Variants in XCL2 observed in about 807,000 individuals in gnomAD.
XCL2 encodes cytokine SCM-1 beta.
Under a neutral mutation model 7.2 loss-of-function variants are expected in XCL2, and 8 were observed. The ratio of observed to expected loss-of-function variants is 1.10; its 90% confidence interval spans 0.65 to 1.99. XCL2 has a LOEUF of 1.99. XCL2 is among the 30% of genes most tolerant of loss of function. XCL2 has a pLI of 0.00. For synonymous variants in XCL2, 46 were observed against 54.2 expected (o/e 0.85, Z 0.67); for missense variants, 131 against 138.6 (o/e 0.94, Z 0.28).
At chr1:168,543,757 A>C (rs1373864369) in intron 1 of XCL2, 147 bp downstream of exon 1, 2 of 1,014,360 alleles carry the variant, frequency 2.0e-6, no homozygotes, top group Non-Finnish European at 2.9e-6. Context: ...TACAGTCAAA[A>C]TCATCATTCC....
Position 168,542,117 on chromosome 1 carries a change from A to T in XCL2, c.62-10T>A. The T allele has an allele frequency of 6.9e-7, 1 of 1,452,816 alleles. No homozygotes were observed. The highest frequency in any genetic ancestry group is 9.2e-7 in the Non-Finnish European group (1 of 1,082,698). The allele number at this position is 1,452,816 out of a possible 1,614,324, so 90.0% of individuals were successfully genotyped here. A position where few individuals can be genotyped will look rare whatever the true frequency, so the allele number is the denominator to read the frequency against. On this transcript the variant is annotated splice_polypyrimidine_tract_variant and intron_variant, in intron 1 of 2. Coordinates refer to ENST00000367819, the MANE Select transcript of XCL2 (RefSeq NM_003175.4). ...ACTTCACTCCCTACACCTGATGAGG[A>T]AAAAAAAACAACAGACAATTAAAAA...
rs753821743 is a variant in XCL2, at chr1:168,541,021, A to T, written c.276T>A (p.Asn92Lys). 2.5e-6 allele frequency: 4 copies of T among 1,613,582 alleles called. No individual in the cohort carries two copies. In the South Asian group the frequency reaches 3.3e-5, roughly 13 times the overall value. ...CTGTTGGCTTGGTCTGGATCATGTT[A>T]TTTCTGGTGTTGGATTTCCTGTCCA... ...RSMDRKSNTR[N>K]NMIQTKPTGT... The change falls in exon 3 of 3, where the codon AAT (asparagine) becomes AAA (lysine). Residue 92 changes from asparagine (N) to lysine (K), a missense_variant. Transcript: ENST00000367819.
rs528479192 is a variant in XCL2, at chr1:168,543,524, C to G, written c.61+380G>C. ...CCTCTAATCCATAGCTAACATTAAT[C>G]AAAAAATTACTGCTTGTAAGGAAAT... On this transcript the variant is annotated intron_variant, in intron 1 of 2. Transcript: ENST00000367819. Among the ~76,000 whole-genome samples the G allele has an allele frequency of 1.6e-4, 24 of 150,576 alleles. No individual in the cohort carries two copies. The South Asian group carries it at 4.1e-3, about 25-fold the overall frequency.
At chr1:168,541,495 C>A (rs1371026406) in intron 2 of XCL2, among the ~76,000 whole-genome samples, 1 of 152,066 alleles carries the variant, frequency 6.6e-6, no homozygotes, top group East Asian at 1.9e-4. Flanking sequence ...CATTTTCATT[C>A]TTTAGAGCAA....
Position 168,543,768 on chromosome 1 carries a change from T to C in XCL2, c.61+136A>G, listed in dbSNP as rs1454106756. The C allele has an allele frequency of 1.0e-5, 12 of 1,150,260 alleles. No individual in the cohort carries two copies. In the East Asian group the frequency reaches 2.8e-4, roughly 27 times the overall value. The allele number at this position is 1,150,260 out of a possible 1,614,324, so 71.3% of individuals were successfully genotyped here. A position where few individuals can be genotyped will look rare whatever the true frequency, so the allele number is the denominator to read the frequency against. On this transcript the variant is annotated intron_variant, in intron 1 of 2. Coordinates refer to ENST00000367819, the MANE Select transcript of XCL2 (RefSeq NM_003175.4). ...CCTCTACAGTCAAAATCATCATTCC[T>C]TTCTTGCACATGGGAAGTTTAAGGC...
chr1:168,543,402 T>G (rs1654334247), intron 1 of XCL2: 1 of 185,364 alleles, frequency 5.4e-6, no homozygotes, highest in African/African-American at 2.4e-5. Context: ...CATCCTCTGG[T>G]GCATCCCCAT....
chr1:168,541,246 G>A, intron 2 of XCL2, 126 bp from the exon 3 acceptor site: 10 of 1,286,262 alleles, frequency 7.8e-6, no homozygotes, highest in East Asian at 7.5e-5. Flanking sequence ...GTCTTTCAGA[G>A]CCATGAGATC....
Position 168,542,016 on chromosome 1 carries a change from C to G in XCL2, c.153G>C (p.Thr51=). The stretch of plus-strand genomic sequence containing the variant: ...ACATTACTGCTCTCAAGGAGCCTTC[C>G]GTGATGGTGTAGGTCTTGATTCTGC... ...PVSRIKTYTI[T]EGSLRAVIFI... The change falls in exon 2 of 3, where the codon ACG becomes ACC. Residue 51 remains threonine, a synonymous_variant. Transcript: ENST00000367819. 2.5e-6 allele frequency: 4 copies of G among 1,609,304 alleles called. No homozygotes were observed. Among genetic ancestry groups the G allele is most frequent in the Non-Finnish European group, 3.4e-6 (4 of 1,177,834 alleles).
rs1654346553 is a variant in XCL2, at chr1:168,543,958, G to T, written c.7C>A (p.Leu3Ile). Residue 3 changes from leucine (L) to isoleucine (I), a missense_variant, in exon 1 of 3, where the codon CTT (leucine) becomes ATT (isoleucine). Coordinates refer to ENST00000367819, the MANE Select transcript of XCL2 (RefSeq NM_003175.4). MR[L>I]LILALLGICS... ...ATGCCAAGGAGGGCCAGGATGAGAA[G>T]TCTCATGGCTGAGGTCCCGCTGAGC... 2 of 1,608,126 alleles carry T rather than the reference G, an allele frequency of 1.2e-6. No individual in the cohort carries two copies. Among genetic ancestry groups the T allele is most frequent in the East Asian group, 4.5e-5 (2 of 44,812 alleles).
intron 2 of XCL2, among the ~76,000 whole-genome samples, chr1:168,541,328 CT>C (rs1654277042): frequency 6.6e-6 from 1 of 152,126 alleles, no homozygotes; most frequent in Non-Finnish European, 1.5e-5. Flanking sequence ...TATCCAGCCC[CT>C]TTGTTCACCA....
chr1:168,542,040 G>T lies in XCL2; in HGVS notation c.129C>A (p.Ser43Arg), dbSNP rs777325495. ...CCGTGATGGTGTAGGTCTTGATTCT[G>T]CTAACTGGCAGTCGCTGGGTAGTGA... ...VSLTTQRLPV[S>R]RIKTYTITEG... Residue 43 changes from serine to arginine, a missense_variant, in exon 2 of 3, where the codon AGC becomes AGA. Ser to Arg is a moderately radical substitution (Grantham distance 110, BLOSUM62 -1). Coordinates refer to ENST00000367819, the MANE Select transcript of XCL2 (RefSeq NM_003175.4). 6.2e-7 allele frequency: 1 copy of T among 1,602,398 alleles called. No homozygotes were observed. The highest frequency in any genetic ancestry group is 8.5e-7 in the Non-Finnish European group (1 of 1,174,322).
intron 2 of XCL2, 83 bp downstream of exon 2, chr1:168,541,910 C>T: frequency 1.6e-6 from 2 of 1,272,008 alleles, no homozygotes; most frequent in Non-Finnish European, 1.1e-6. Context: ...CCTACTTTTC[C>T]TGAGGATGGC....
chr1:168,543,743 C>T (rs1050244834), intron 1 of XCL2, among the ~76,000 whole-genome samples, 161 bp downstream of exon 1: 2 of 151,662 alleles, frequency 1.3e-5, no homozygotes, highest in Non-Finnish European at 2.9e-5. Context: ...TTTACGAAGC[C>T]CTCTACAGTC....
Position 168,542,048 on chromosome 1 carries a change from G to T in XCL2, c.121C>A (p.Pro41Thr). Residue 41 changes from proline to threonine, a missense_variant, in exon 2 of 3, where the codon CCA becomes ACA. Coordinates refer to ENST00000367819, the MANE Select transcript of XCL2 (RefSeq NM_003175.4). Reference sequence around the variant, plus strand: ...GTGTAGGTCTTGATTCTGCTAACTGGCAGTCGCTGGGTAGTGAGGCTCACA... The same window carrying T: ...GTGTAGGTCTTGATTCTGCTAACTGTCAGTCGCTGGGTAGTGAGGCTCACA... ...TCVSLTTQRL[P>T]VSRIKTYTIT... 1 of 1,592,612 alleles carries T rather than the reference G, an allele frequency of 6.3e-7. No individual in the cohort carries two copies. Among genetic ancestry groups the T allele is most frequent in the East Asian group, 2.3e-5 (1 of 42,926 alleles).
At position 168,540,831 on chromosome 1, in the gene XCL2, A is replaced by T. The variant is rs1333609631; in HGVS notation, c.*121T>A. 5 of 1,203,766 alleles carry T rather than the reference A, an allele frequency of 4.2e-6. No individual in the cohort carries two copies. In the East Asian group the frequency reaches 1.3e-4, roughly 32 times the overall value. The allele number at this position is 1,203,766 out of a possible 1,614,324, so 74.6% of individuals were successfully genotyped here. On this transcript the variant is annotated 3_prime_UTR_variant, in exon 3 of 3. Transcript: ENST00000367819. ...AATACAGAAGACATTTAAAAGTAAA[A>T]ATACAAAGGAATAATTTTATTCATG...
chr1:168,541,196 G>A (rs1219084029), intron 2 of XCL2, 76 bp from the exon 3 acceptor site: 21 of 1,536,572 alleles, frequency 1.4e-5, no homozygotes, highest in Non-Finnish European at 1.8e-5. Flanking sequence ...GATCAGGGCA[G>A]ACATGAAGAG....
intron 1 of XCL2, among the ~76,000 whole-genome samples, chr1:168,543,644 G>A (rs1414069189): frequency 7.0e-6 from 1 of 142,742 alleles, no homozygotes; most frequent in Non-Finnish European, 1.5e-5. Context: ...ATAAGCACAG[G>A]CCCTGAGTGG....
At position 168,541,927 on chromosome 1, in the gene XCL2, T is replaced by C. The variant is rs1654291864; in HGVS notation, c.176+66A>G. ...TACTTTTCCTGAGGATGGCAGCATT[T>C]CTATAGAGTGTATTTCTATACCTCT... On this transcript the variant is annotated intron_variant, in intron 2 of 2. Coordinates refer to ENST00000367819, the MANE Select transcript of XCL2 (RefSeq NM_003175.4). 7.4e-6 allele frequency: 11 copies of C among 1,486,156 alleles called. No homozygotes were observed. In the Admixed American group the frequency reaches 1.1e-4, roughly 16 times the overall value. 92.1% of individuals were successfully genotyped at this position (1,486,156 alleles called of 1,614,324 possible).
rs868269789 is a variant in XCL2 at position 168,542,183 on chromosome 1, A to G, written c.62-76T>C. 13 of 1,279,516 alleles carry G rather than the reference A, an allele frequency of 1.0e-5. No individual in the cohort carries two copies. In the African/African-American group the frequency reaches 1.2e-4, roughly 12 times the overall value. 79.3% of individuals were successfully genotyped at this position (1,279,516 alleles called of 1,614,324 possible). A position where few individuals can be genotyped will look rare whatever the true frequency, so the allele number is the denominator to read the frequency against. ...GATCACAGGAACAATCGTCTGTTAA[A>G]TTACTCTGAGAATGTTGTGAGAATA... On this transcript the variant is annotated intron_variant, in intron 1 of 2. Transcript: ENST00000367819.
Sources: allele counts gnomAD v4.1 joint callset (sites outside exome capture counted in the v4.1 genomes callset), GRCh38; gene constraint gnomAD v4.1.1; transcripts MANE v1.5; gene names NCBI Gene and HGNC (gene_info 2026-07-23, HGNC 2026-07-21).